Variants in ASRGL1 observed in about 807,000 individuals in gnomAD.
The protein encoded by ASRGL1 is isoaspartyl peptidase/L-asparaginase.
ASRGL1 carries 16 observed loss-of-function variants against 22.4 expected under a neutral mutation model. The ratio of observed to expected loss-of-function variants is 0.71; its 90% CI spans 0.48 to 1.08. The LOEUF (loss-of-function observed/expected upper bound fraction) is 1.08. Ranked by LOEUF, ASRGL1 falls within the 50% of genes least tolerant of loss-of-function variation. The pLI, the probability that ASRGL1 is intolerant of heterozygous loss-of-function variation, is 0.00. For missense variants in ASRGL1, 412 were observed against 410.1 expected (o/e 1.00, Z -0.04); for synonymous variants, 165 against 159.3 (o/e 1.04, Z -0.27).
intron 4 of ASRGL1, among the ~76,000 whole-genome samples, 161 bp from the exon 5 acceptor site, chr11:62,388,972 C>T (rs1947276131): frequency 6.6e-6 from 1 of 152,078 alleles, no homozygotes; most frequent in Admixed American, 6.6e-5. Context: ...GTAACTTACA[C>T]GTAGAATGAG....
At chr11:62,355,925 C>G (rs1000237888) in intron 2 of ASRGL1, among the ~76,000 whole-genome samples, 1 of 152,120 alleles carries the variant, frequency 6.6e-6, no homozygotes, top group Non-Finnish European at 1.5e-5. Context: ...TTTCAGAGAG[C>G]ACAGGGTTGG....
rs1026232993 is a variant in ASRGL1, at chr11:62,338,038, G to A, written c.61G>A (p.Glu21Lys). 1 of 1,608,510 alleles carries A rather than the reference G, an allele frequency of 6.2e-7. No individual in the cohort carries two copies. Among genetic ancestry groups the A allele is most frequent in the East Asian group, 2.2e-5 (1 of 44,648 alleles). ...GAGPISKDRK[E>K]RVHQGMVRAA... ...CGGTCCCATCTCCAAGGATCGGAAG[G>A]AGCGAGTGCACCAGGGCATGGTCAG... Residue 21 changes from glutamate to lysine, a missense_variant, in exon 2 of 7, where the codon GAG (glutamate) becomes AAG (lysine). Glu to Lys is a moderately conservative substitution (Grantham distance 56). Transcript: ENST00000415229.
intron 2 of ASRGL1, among the ~76,000 whole-genome samples, chr11:62,349,435 C>T (rs1946116225): frequency 6.6e-6 from 1 of 152,188 alleles, no homozygotes; most frequent in Non-Finnish European, 1.5e-5. Flanking sequence ...TCTTTCACTG[C>T]CATAATTTTC....
chr11:62,346,083 A>T (rs1177662157), intron 2 of ASRGL1, among the ~76,000 whole-genome samples: 1 of 152,142 alleles, frequency 6.6e-6, no homozygotes, highest in African/African-American at 2.4e-5. Context: ...CCAATCCCAC[A>T]GGTTCAGGGC....
chr11:62,375,558 G>T (rs1255288809), intron 4 of ASRGL1, among the ~76,000 whole-genome samples: 1 of 148,446 alleles, frequency 6.7e-6, no homozygotes, highest in Non-Finnish European at 1.5e-5. Context: ...ACATCCTGGT[G>T]CTCTCCCTAG....
At chr11:62,359,650 G>T (rs1314325275) in intron 4 of ASRGL1, among the ~76,000 whole-genome samples, 1 of 152,126 alleles carries the variant, frequency 6.6e-6, no homozygotes, top group Non-Finnish European at 1.5e-5. Flanking sequence ...GCCACATGGA[G>T]CTGCAGCTTC....
At chr11:62,342,864 A>G (rs747119408) in intron 2 of ASRGL1, among the ~76,000 whole-genome samples, 24 of 152,202 alleles carry the variant, frequency 1.6e-4, no homozygotes, top group Admixed American at 2.0e-4. Flanking sequence ...CGTGGATATC[A>G]GTAGTTTTTC....
In ASRGL1 at chr11:62,340,588, CATT is replaced by C. The variant is rs533604738; in HGVS notation, c.190+2422_190+2424del. On this transcript the variant is annotated intron_variant, in intron 2 of 6. Transcript: ENST00000415229. ...TTAGGGAATTGGAGCAGCTAGTTCT[CATT>C]TTTTTGCTCTGTATCCAGAGGCCTT... Among the ~76,000 whole-genome samples the C allele has an allele frequency of 1.1e-3, 175 of 152,324 alleles. 2 individuals carry two copies. Among genetic ancestry groups the C allele is most frequent in the Admixed American group, 9.5e-3 (145 of 15,302 alleles).
intron 4 of ASRGL1, chr11:62,371,317 G>C (rs1336464654): frequency 3.0e-6 from 4 of 1,351,176 alleles, no homozygotes; most frequent in Non-Finnish European, 3.9e-6. Flanking sequence ...GGAGCTCGAC[G>C]GGGCCCCCGG....
chr11:62,385,758 G>A (rs1333363895), intron 4 of ASRGL1, among the ~76,000 whole-genome samples: 1 of 152,096 alleles, frequency 6.6e-6, no homozygotes, highest in Non-Finnish European at 1.5e-5. Flanking sequence ...CAGCTACTTG[G>A]GAGTCTGAGG....
chr11:62,371,683 T>C (rs1283500565), intron 4 of ASRGL1: 7 of 605,854 alleles, frequency 1.2e-5, no homozygotes, highest in Non-Finnish European at 2.3e-5. Context: ...CCAGGAGTGG[T>C]GGCTCAGGCT....
intron 5 of ASRGL1, among the ~76,000 whole-genome samples, chr11:62,390,211 C>G (rs369116271): frequency 6.6e-6 from 1 of 152,206 alleles, no homozygotes; most frequent in African/African-American, 2.4e-5. Flanking sequence ...CAGGTTAGAT[C>G]CTAGAAATTA....
intron 2 of ASRGL1, among the ~76,000 whole-genome samples, chr11:62,354,268 TGCAAA>T (rs1431686243): frequency 9.2e-5 from 14 of 152,318 alleles, no homozygotes; most frequent in Non-Finnish European, 1.2e-4. Flanking sequence ...CAACAGCATG[TGCAAA>T]GGCACAGAGA....
intron 4 of ASRGL1, chr11:62,373,175 A>G: frequency 1.7e-6 from 2 of 1,193,592 alleles, no homozygotes; most frequent in Non-Finnish European, 2.5e-6. Flanking sequence ...AAACCCTCTG[A>G]TGCTCCCAGA....
intron 4 of ASRGL1, among the ~76,000 whole-genome samples, chr11:62,380,325 G>A (rs961310492): frequency 6.6e-6 from 1 of 152,074 alleles, no homozygotes; most frequent in South Asian, 2.1e-4. Flanking sequence ...CTTTTGAGCA[G>A]CATCTCGGAG....
At chr11:62,388,970 C>T (rs547151078) in intron 4 of ASRGL1, among the ~76,000 whole-genome samples, 163 bp from the exon 5 acceptor site, 25 of 152,146 alleles carry the variant, frequency 1.6e-4, no homozygotes, top group Non-Finnish European at 3.4e-4. Flanking sequence ...CTGTAACTTA[C>T]ACGTAGAATG....
intron 2 of ASRGL1, 82 bp downstream of exon 2, chr11:62,338,249 G>A (rs924221033): frequency 1.5e-6 from 2 of 1,339,774 alleles, no homozygotes; most frequent in African/African-American, 1.5e-5. Context: ...CATAGTGTTA[G>A]GGAATCTAAT....
At chr11:62,365,841 T>A (rs933741004) in intron 4 of ASRGL1, among the ~76,000 whole-genome samples, 4 of 152,110 alleles carry the variant, frequency 2.6e-5, no homozygotes, top group Non-Finnish European at 5.9e-5. Context: ...AGAGCAAGAC[T>A]CCATCTCAAA....
intron 2 of ASRGL1, among the ~76,000 whole-genome samples, chr11:62,341,934 G>A (rs1431504706): frequency 2.0e-5 from 3 of 152,192 alleles, no homozygotes; most frequent in South Asian, 2.1e-4. Flanking sequence ...TTGTTTTTTG[G>A]TGCTGTAAAG....
Sources: gnomAD v4.1 joint callset for allele counts (sites outside exome capture counted in the v4.1 genomes callset) on GRCh38, gnomAD v4.1.1 for gene constraint, MANE v1.5 for transcripts, NCBI Gene and HGNC (gene_info 2026-07-23, HGNC 2026-07-21) for gene names.